Variants in PTPN23 observed in about 807,000 individuals in gnomAD.
PTPN23 encodes the protein protein tyrosine phosphatase non-receptor type 23.
Under a neutral mutation model 156.3 loss-of-function variants are expected in PTPN23, and 72 were observed. The observed-to-expected ratio is 0.46, with a 90% confidence interval of 0.38 to 0.56. The LOEUF is 0.56. Among genes scored for constraint, PTPN23 ranks in the 20% least tolerant of loss-of-function variants. The pLI is 0.00. For missense variants in PTPN23, 1,974 were observed against 2,171.5 expected (o/e 0.91, Z 1.81); for synonymous variants, 957 against 899.6 (o/e 1.06, Z -1.14).
Position 47,407,112 on chromosome 3 carries a change from T to C in PTPN23, c.808-18T>C. The C allele has an allele frequency of 6.2e-7, 1 of 1,613,856 alleles. No homozygotes were observed. Among genetic ancestry groups the C allele is most frequent in the Non-Finnish European group, 8.5e-7 (1 of 1,179,870 alleles). ...AAGCAGAGGAGGACAGAGCAGGCTT[T>C]CCTGCCACCCTCCACAGGTTGCATA... On this transcript the variant is annotated intron_variant, in intron 9 of 24. Transcript: ENST00000265562. The surrounding 1 kb of genome is among the most constrained non-coding windows in gnomAD (Gnocchi z 4.0).
chr3:47,409,903 C>A, intron 19 of PTPN23, 25 bp from the exon 20 acceptor site: 1 of 1,573,938 alleles, frequency 6.4e-7, no homozygotes, highest in Non-Finnish European at 8.6e-7. Flanking sequence ...AGCCTGGCCC[C>A]ACTTTTTCCT....
chr3:47,387,393 C>G lies in PTPN23; in HGVS notation c.84+6213C>G, dbSNP rs550426681. ...ACTAACCTGGGCAACAAAGCAAGAC[C>G]CTGTCTCTACAAAAAAAAAAAAAAA... On this transcript the variant is annotated intron_variant, in intron 1 of 24. Transcript: ENST00000265562. Among the ~76,000 whole-genome samples, 14 of 135,262 alleles carry G rather than the reference C, an allele frequency of 1.0e-4. No homozygotes were observed. In the South Asian group the frequency reaches 3.6e-3, roughly 35 times the overall value. 88.7% of individuals were successfully genotyped at this position (135,262 alleles called of 152,430 possible).
At chr3:47,396,312 C>T (rs1454191856) in intron 2 of PTPN23, 95 bp downstream of exon 2, 7 of 977,728 alleles carry the variant, frequency 7.2e-6, no homozygotes, top group South Asian at 4.6e-5. Flanking sequence ...GGTGGCTCAA[C>T]GCCTATAATC....
chr3:47,413,078 A>C lies in PTPN23; in HGVS notation c.4804A>C (p.Lys1602Gln). ...CCTGCGGGGCAAACAGCGGATGAGC[A>C]AGCATAACTTTCTGCAGGCCCATAA... ...SSLRGKQRMSKHNFLQAHNGQ... is the reference protein window; with the variant it reads ...SSLRGKQRMSQHNFLQAHNGQ... The change falls in exon 25 of 25, where the codon AAG (lysine) becomes CAG (glutamine). Residue 1602 changes from lysine to glutamine, a missense_variant. Transcript: ENST00000265562. The C allele has an allele frequency of 6.2e-7, 1 of 1,612,938 alleles. No individual in the cohort carries two copies. Among genetic ancestry groups the C allele is most frequent in the Admixed American group, 1.7e-5 (1 of 60,030 alleles).
At chr3:47,412,652 C>CTGGGAGAGCCACAGCCT (rs751617297) in intron 24 of PTPN23, 25 bp downstream of exon 24, 1 of 1,607,466 alleles carries the variant, frequency 6.2e-7, no homozygotes, top group Non-Finnish European at 8.5e-7. Context: ...GTGGAAGCTG[C>CTGGGAGAGCCACAGCCT]TGGGAGAGCC....
chr3:47,388,173 C>A (rs1704693104), intron 1 of PTPN23, among the ~76,000 whole-genome samples: 1 of 152,114 alleles, frequency 6.6e-6, no homozygotes, highest in African/African-American at 2.4e-5. Flanking sequence ...ACCTCATAAG[C>A]TTCTGAGAAT....
chr3:47,408,907 A>G lies in PTPN23; in HGVS notation c.1462A>G (p.Lys488Glu). The part of the protein sequence containing the change: ...GQAGAISITS[K>E]AELAEVRREW... ...GGCAGGGGCCATCTCCATCACCTCCAAGGCTGAGCTGGCAGAGGTGAGGCG... is the reference window on the plus strand; with the variant it reads ...GGCAGGGGCCATCTCCATCACCTCCGAGGCTGAGCTGGCAGAGGTGAGGCG... Residue 488 changes from lysine (K) to glutamate (E), a missense_variant, in exon 16 of 25, where the codon AAG becomes GAG. Physicochemically the swap from Lys to Glu is moderately conservative, Grantham distance 56. Coordinates refer to ENST00000265562, the MANE Select transcript of PTPN23 (RefSeq NM_015466.4). 1.9e-6 allele frequency: 3 copies of G among 1,614,254 alleles called. No homozygotes were observed. In the South Asian group the frequency reaches 3.3e-5, roughly 18 times the overall value.
chr3:47,408,307 A>G, intron 14 of PTPN23, 38 bp from the exon 15 acceptor site: 1 of 1,601,434 alleles, frequency 6.2e-7, no homozygotes, highest in Non-Finnish European at 8.5e-7. Flanking sequence ...GAGTTGGATC[A>G]GCACCCAGCA....
At chr3:47,404,910 C>A in intron 3 of PTPN23, 95 bp from the exon 4 acceptor site, 1 of 1,587,110 alleles carries the variant, frequency 6.3e-7, no homozygotes, top group South Asian at 1.1e-5. Context: ...CCAGGCCTCC[C>A]CACATCCCCA....
intron 21 of PTPN23, 52 bp from the exon 22 acceptor site, chr3:47,412,042 C>T (rs961040435): frequency 1.3e-5 from 21 of 1,609,480 alleles, no homozygotes; most frequent in Non-Finnish European, 2.5e-6. Context: ...GGATGAGAGC[C>T]TCAGGTCAGG....
chr3:47,406,187 G>A lies in PTPN23; in HGVS notation c.547-138G>A, dbSNP rs1350191350. 1.6e-5 allele frequency: 23 copies of A among 1,466,606 alleles called. No individual in the cohort carries two copies. The Admixed American group carries it at 3.7e-4, about 24-fold the overall frequency. 90.8% of individuals were successfully genotyped at this position (1,466,606 alleles called of 1,614,324 possible). A position where few individuals can be genotyped will look rare whatever the true frequency, so the allele number is the denominator to read the frequency against. On this transcript the variant is annotated intron_variant, in intron 6 of 24. Transcript: ENST00000265562. This position sits in a 1 kb window ranked among gnomAD's most constrained non-coding sequence, Gnocchi z 5.8. ...GCTTTGTTGAATCAGGAGCACCGTG[G>A]TGCTGCTTGGAGTGGGGGCAGCTGG...
Position 47,409,991 on chromosome 3 carries a change from GGAGA to G in PTPN23, c.2195_2198del (p.Glu732ValfsTer70), listed in dbSNP as rs1705227112. The G allele has an allele frequency of 6.2e-7, 1 of 1,600,112 alleles. No homozygotes were observed. Among genetic ancestry groups the G allele is most frequent in the African/African-American group, 1.3e-5 (1 of 74,440 alleles). On this transcript the variant is annotated frameshift_variant, in exon 20 of 25. Transcript: ENST00000265562. LOFTEE classifies it high-confidence loss of function. ...CAAAGCCGCTGCTGCCCCGCAGGGA[GGAGA>G]GTGAGGCAGTGGAAGCAGGAGACCC...
intron 2 of PTPN23, among the ~76,000 whole-genome samples, chr3:47,404,261 C>T (rs1484544731): frequency 2.6e-5 from 4 of 152,106 alleles, no homozygotes; most frequent in East Asian, 1.9e-4. Flanking sequence ...GGGGAAACCC[C>T]GCCTCTACTA....
At chr3:47,400,965 C>T (rs926126519) in intron 2 of PTPN23, among the ~76,000 whole-genome samples, 5 of 138,688 alleles carry the variant, frequency 3.6e-5, no homozygotes, top group African/African-American at 5.4e-5. Context: ...TGCAGTGGCG[C>T]AATCTCGGCT....
At position 47,396,200 on chromosome 3, in the gene PTPN23, C is replaced by G. The variant is rs201230194; in HGVS notation, c.142C>G (p.Leu48Val). The change falls in exon 2 of 25, where the codon CTG becomes GTG. Residue 48 changes from leucine to valine, a missense_variant. Leu to Val is a conservative substitution (Grantham distance 32). This residue lies in a region of PTPN23 where 726 missense variants were observed against 929.5 expected (regional missense o/e 0.78). Coordinates refer to ENST00000265562, the MANE Select transcript of PTPN23 (RefSeq NM_015466.4). Reference sequence around the variant, plus strand: ...AGCCTACAATGAAGAACTGAAGAAGCTGGAGTTGCTCAGACAGGTAGGAGG... The same window carrying G: ...AGCCTACAATGAAGAACTGAAGAAGGTGGAGTTGCTCAGACAGGTAGGAGG... ...PEAYNEELKK[L>V]ELLRQNAVRV... is the part of the protein sequence containing the mutation. 1.9e-6 allele frequency: 3 copies of G among 1,612,662 alleles called. No homozygotes were observed. The highest frequency in any genetic ancestry group is 2.2e-5 in the South Asian group (2 of 91,038).
chr3:47,392,169 A>G (rs920442261), intron 1 of PTPN23, among the ~76,000 whole-genome samples: 5 of 152,056 alleles, frequency 3.3e-5, no homozygotes, highest in African/African-American at 1.2e-4. Flanking sequence ...TACAGGCATG[A>G]GCCACTGTGC....
chr3:47,404,446 G>T (rs955242128), intron 2 of PTPN23, among the ~76,000 whole-genome samples: 9 of 150,862 alleles, frequency 6.0e-5, no homozygotes, highest in Admixed American at 5.3e-4. Flanking sequence ...AAACTATGTG[G>T]GATAGATTCA....
chr3:47,394,338 C>T (rs565963435), intron 1 of PTPN23, among the ~76,000 whole-genome samples: 3 of 152,256 alleles, frequency 2.0e-5, no homozygotes, highest in African/African-American at 4.8e-5. Flanking sequence ...GGAATGTGAG[C>T]GGAAGAGCAG....
At chr3:47,397,230 T>G (rs1445087775) in intron 2 of PTPN23, among the ~76,000 whole-genome samples, 1 of 152,176 alleles carries the variant, frequency 6.6e-6, no homozygotes, top group Non-Finnish European at 1.5e-5. Context: ...TAAAAAAGTT[T>G]GAAATATTGT....
Sources: gnomAD v4.1 joint callset for allele counts (sites outside exome capture counted in the v4.1 genomes callset) on GRCh38, gnomAD v4.1.1 for gene constraint, gnomAD v4.1.1 regional missense constraint, Gnocchi (gnomAD v3.1) non-coding constraint, MANE v1.5 for transcripts, NCBI Gene and HGNC (gene_info 2026-07-23, HGNC 2026-07-21) for gene names.